Variants in BCAS3 observed in about 807,000 individuals in gnomAD.
The protein encoded by BCAS3 is BCAS3 microtubule associated cell migration factor, also known as BCAS4/BCAS3 fusion.
In BCAS3, 53 loss-of-function variants were observed where a neutral mutation model predicts 116.1. The observed-to-expected ratio is 0.46, with a 90% CI of 0.37 to 0.57. BCAS3 has a LOEUF of 0.57. Ranked by LOEUF, BCAS3 falls within the 20% of genes least tolerant of loss-of-function variation. BCAS3 has a pLI of 0.00. For missense variants in BCAS3, 917 were observed against 1,165.4 expected, an observed-to-expected ratio of 0.79 and a Z score of 3.10; for synonymous variants, 391 against 408.2, an observed-to-expected ratio of 0.96 and a Z score of 0.51.
intron 22 of BCAS3, among the ~76,000 whole-genome samples, chr17:61,297,186 A>G (rs1183565769): frequency 6.6e-6 from 1 of 152,176 alleles, no homozygotes; most frequent in Non-Finnish European, 1.5e-5. Context: ...GTCAATGCAT[A>G]TGGGATTTAG....
At chr17:60,678,943 G>C (rs531858499) in intron 1 of BCAS3, among the ~76,000 whole-genome samples, 247 of 152,328 alleles carry the variant, frequency 1.6e-3, no homozygotes, top group African/African-American at 5.8e-3. Context: ...AACAAAACAG[G>C]ATGGGCGCGG....
intron 6 of BCAS3, among the ~76,000 whole-genome samples, chr17:60,762,832 C>T (rs1568193579): frequency 6.6e-6 from 1 of 151,858 alleles, no homozygotes; most frequent in African/African-American, 2.4e-5. Context: ...TATCCATGAG[C>T]ATGGAATGTT....
At position 61,391,073 on chromosome 17, in the gene BCAS3, C is replaced by T. The variant is rs2060109233; in HGVS notation, c.2594-904C>T. Reference sequence around the variant, plus strand: ...TTGGTTCTTCCTTGCACTCAGCAAGCAGGGAATTCCATTCCCAACCCACCT... The same window carrying T: ...TTGGTTCTTCCTTGCACTCAGCAAGTAGGGAATTCCATTCCCAACCCACCT... On this transcript the variant is annotated intron_variant, in intron 23 of 23. Coordinates refer to ENST00000407086, the MANE Select transcript of BCAS3 (RefSeq NM_017679.5). This position sits in a 1 kb window ranked among gnomAD's most constrained non-coding sequence, Gnocchi z 7.7. 6.6e-6 allele frequency: 1 copy of T among 152,274 alleles called. No homozygotes were observed. The highest frequency in any genetic ancestry group is 1.5e-5 in the Non-Finnish European group (1 of 68,064). The allele number at this position is 152,274 out of a possible 1,614,324, so 9.4% of individuals were successfully genotyped here. A position where few individuals can be genotyped will look rare whatever the true frequency, so the allele number is the denominator to read the frequency against.
At chr17:61,293,484 C>A (rs904175966) in intron 22 of BCAS3, among the ~76,000 whole-genome samples, 1 of 152,134 alleles carries the variant, frequency 6.6e-6, no homozygotes, top group Non-Finnish European at 1.5e-5. Flanking sequence ...GCACGTTTAA[C>A]CTTCTTGGCT....
chr17:61,116,158 G>T (rs2075427742), intron 22 of BCAS3, among the ~76,000 whole-genome samples: 1 of 151,750 alleles, frequency 6.6e-6, no homozygotes, highest in Non-Finnish European at 1.5e-5. Context: ...GAGTTAGTGG[G>T]TGCAGCGCAC....
At chr17:60,701,823 A>G (rs1455027088) in intron 4 of BCAS3, among the ~76,000 whole-genome samples, 1 of 149,852 alleles carries the variant, frequency 6.7e-6, no homozygotes, top group Non-Finnish European at 1.5e-5. Context: ...AAAAAAAAAG[A>G]AAAAGCCAGG....
rs541543244 is a variant in BCAS3, at chr17:60,906,316, A to G, written c.822+3613A>G. Among the ~76,000 whole-genome samples, 4 of 152,314 alleles carry G rather than the reference A, an allele frequency of 2.6e-5. No homozygotes were observed. In the East Asian group the frequency reaches 7.7e-4, roughly 29 times the overall value. On this transcript the variant is annotated intron_variant, in intron 11 of 23. Coordinates refer to ENST00000407086, the MANE Select transcript of BCAS3 (RefSeq NM_017679.5). ...GATGACAGTGGAGTTCTGGGACAGT[A>G]TCAGTCTTGAATAATAATCCAATTT...
rs1001900738 is a variant in BCAS3 at position 61,017,099 on chromosome 17, T to G, written c.1637+1198T>G. On this transcript the variant is annotated intron_variant, in intron 16 of 23. Transcript: ENST00000407086. This position sits in a 1 kb window ranked among gnomAD's most constrained non-coding sequence, Gnocchi z 4.7. ...TTGGTCTGTATATCTTTTTAATTTTTTTCAGCTTTTTAACTCCTTGGGCCC... is the reference window on the plus strand; with the variant it reads ...TTGGTCTGTATATCTTTTTAATTTTGTTCAGCTTTTTAACTCCTTGGGCCC... The G allele has an allele frequency of 5.3e-5, 8 of 152,206 alleles. No individual in the cohort carries two copies. The highest frequency in any genetic ancestry group is 1.9e-4 in the African/African-American group (8 of 41,450). The allele number at this position is 152,206 out of a possible 1,614,324, so 9.4% of individuals were successfully genotyped here.
rs557077467 is a variant in BCAS3 at position 61,023,659 on chromosome 17, G to T, written c.1637+7758G>T. ...ATTCAACAAAATGAATCAGTTGAAT[G>T]ACTTACATAGTGTTATGGTATGTTA... On this transcript the variant is annotated intron_variant, in intron 16 of 23. Transcript: ENST00000407086. The surrounding 1 kb of genome is among the most constrained non-coding windows in gnomAD (Gnocchi z 4.8). 6.6e-6 allele frequency among the ~76,000 whole-genome samples: 1 copy of T among 152,232 alleles called. No homozygotes were observed. Among genetic ancestry groups the T allele is most frequent in the Admixed American group, 6.5e-5 (1 of 15,296 alleles).
chr17:60,910,249 C>T (rs1012808964), intron 11 of BCAS3, among the ~76,000 whole-genome samples: 7 of 152,036 alleles, frequency 4.6e-5, no homozygotes, highest in African/African-American at 1.4e-4. Context: ...TATAATTGTA[C>T]CCTTATGTAA....
At chr17:61,190,009 A>T (rs1037326641) in intron 22 of BCAS3, among the ~76,000 whole-genome samples, 2 of 152,214 alleles carry the variant, frequency 1.3e-5, no homozygotes, top group Admixed American at 1.3e-4. Context: ...ATTAACTGTC[A>T]AAGAAGCAAG....
chr17:60,757,860 CAT>C (rs892830790), intron 6 of BCAS3, among the ~76,000 whole-genome samples: 1 of 151,684 alleles, frequency 6.6e-6, no homozygotes, highest in African/African-American at 2.4e-5. Context: ...AAGTGTTTTC[CAT>C]ATATATATAT....
In BCAS3 at chr17:60,977,491, T is replaced by TTTATTATTATTA. The variant is rs199534358; in HGVS notation, c.1222-12463_1222-12452dup. Among the ~76,000 whole-genome samples the TTTATTATTATTA allele has an allele frequency of 1.6e-3, 234 of 149,686 alleles. 1 individual carries two copies. Among genetic ancestry groups the TTTATTATTATTA allele is most frequent in the South Asian group, 5.1e-3 (24 of 4,748 alleles). Reference sequence around the variant, plus strand: ...TTGCATTTGGCGGAAGCACTTTCTTTTTATTATTATTATTATTATTATTAT... The same window carrying TTTATTATTATTA: ...TTGCATTTGGCGGAAGCACTTTCTTTTTATTATTATTATTATTATTATTATTATTATTATTAT... On this transcript the variant is annotated intron_variant, in intron 14 of 23. Transcript: ENST00000407086.
chr17:60,878,671 T>C (rs2144934606), intron 9 of BCAS3, among the ~76,000 whole-genome samples: 2 of 152,272 alleles, frequency 1.3e-5, no homozygotes, highest in South Asian at 4.2e-4. Context: ...ATAGTGGTAA[T>C]GTATTTTATT....
At chr17:60,843,963 A>G (rs1320565698) in intron 7 of BCAS3, among the ~76,000 whole-genome samples, 1 of 152,150 alleles carries the variant, frequency 6.6e-6, no homozygotes, top group Non-Finnish European at 1.5e-5. Context: ...CAAAGTATAC[A>G]ACTAATATAC....
intron 22 of BCAS3, among the ~76,000 whole-genome samples, chr17:61,116,078 CTG>C (rs1480730221): frequency 8.4e-6 from 1 of 119,246 alleles, no homozygotes; most frequent in Non-Finnish European, 1.6e-5. Context: ...ATATCACACT[CTG>C]GGGACTGTGG....
chr17:60,854,167 T>C (rs8073388), intron 7 of BCAS3, among the ~76,000 whole-genome samples: 43,238 of 151,936 alleles, frequency 0.28, 9,821 homozygotes, highest in African/African-American at 0.63. Flanking sequence ...TCTGTCCTTG[T>C]GATAGTTTGC....
intron 8 of BCAS3, among the ~76,000 whole-genome samples, chr17:60,872,541 CTGTA>C (rs1245403704): frequency 3.4e-5 from 5 of 149,012 alleles, no homozygotes; most frequent in South Asian, 2.1e-4. Flanking sequence ...ATGTGTATAT[CTGTA>C]TGTATATACA....
chr17:60,894,323 T>C (rs1250381025), intron 10 of BCAS3, among the ~76,000 whole-genome samples: 1 of 152,122 alleles, frequency 6.6e-6, no homozygotes, highest in Non-Finnish European at 1.5e-5. Context: ...CTTATATATA[T>C]ATTTTCGTAA....
Sources: gnomAD v4.1 joint callset for allele counts (sites outside exome capture counted in the v4.1 genomes callset) on GRCh38, gnomAD v4.1.1 for gene constraint, Gnocchi (gnomAD v3.1) non-coding constraint, MANE v1.5 for transcripts, NCBI Gene and HGNC (gene_info 2026-07-23, HGNC 2026-07-21) for gene names.